The following SGCZ variants were observed in gnomAD, a reference collection of about 807,000 sequenced individuals.
The protein encoded by SGCZ is sarcoglycan zeta.
A neutral mutation model predicts 41.3 loss-of-function variants in SGCZ; 40 were observed. That is an observed-to-expected ratio of 0.97 (90% confidence interval 0.75 to 1.26). The LOEUF (loss-of-function observed/expected upper bound fraction) is 1.26, where lower values mean the gene tolerates loss of function less well. Among genes scored for constraint, SGCZ ranks in the 50% most tolerant of loss-of-function variants. The pLI is 0.00. For missense variants in SGCZ, 552 were observed against 369.8 expected, an observed-to-expected ratio of 1.49 and a Z score of -4.04; for synonymous variants, 206 against 137.5, an observed-to-expected ratio of 1.50 and a Z score of -3.49.
chr8:14,546,354 C>G (rs1202526091), intron 2 of SGCZ, among the ~76,000 whole-genome samples: 3 of 152,164 alleles, frequency 2.0e-5, no homozygotes, highest in Admixed American at 2.0e-4. Flanking sequence ...GGGCTTAAAT[C>G]ACCTCCAGAG....
chr8:14,623,272 G>A (rs1367342101), intron 1 of SGCZ, among the ~76,000 whole-genome samples: 8 of 152,182 alleles, frequency 5.3e-5, no homozygotes, highest in Admixed American at 5.2e-4. Flanking sequence ...TAGCAGGAAA[G>A]CAACATTCAT....
At chr8:14,310,828 T>C (rs1013538261) in intron 3 of SGCZ, among the ~76,000 whole-genome samples, 7 of 152,090 alleles carry the variant, frequency 4.6e-5, no homozygotes, top group Non-Finnish European at 8.8e-5. Context: ...ATGGTGGTAA[T>C]AGAAAATTCG....
intron 1 of SGCZ, among the ~76,000 whole-genome samples, chr8:15,186,262 C>CAAAAAAAAAAAAAAAAAAAAAAAA (rs61237091): frequency 1.2e-5 from 1 of 80,718 alleles, no homozygotes; most frequent in Non-Finnish European, 2.2e-5. Context: ...GATTCCGTAC[C>CAAAAAAAAAAAAAAAAAAAAAAAA]AAAAAAAAAA....
intron 1 of SGCZ, among the ~76,000 whole-genome samples, chr8:14,966,486 T>C (rs774089251): frequency 1.3e-5 from 2 of 152,044 alleles, no homozygotes; most frequent in Non-Finnish European, 2.9e-5. Context: ...GGATTTTGTG[T>C]ATTCAAATTT....
intron 1 of SGCZ, among the ~76,000 whole-genome samples, chr8:15,078,338 A>C (rs186495961): frequency 2.9e-4 from 43 of 150,642 alleles, no homozygotes; most frequent in African/African-American, 1.0e-3. Context: ...CCCGTAAGAA[A>C]CCTAAGAGTC....
intron 2 of SGCZ, among the ~76,000 whole-genome samples, chr8:14,444,750 C>G (rs1389913872): frequency 6.6e-6 from 1 of 151,828 alleles, no homozygotes; most frequent in Non-Finnish European, 1.5e-5. Context: ...CCGCATGGCA[C>G]ATGTATACAT....
At chr8:14,303,938 G>C (rs1801273299) in intron 3 of SGCZ, among the ~76,000 whole-genome samples, 1 of 151,896 alleles carries the variant, frequency 6.6e-6, no homozygotes, top group Non-Finnish European at 1.5e-5. Context: ...TTTTAGTAGA[G>C]ATAGGGTTTC....
At chr8:15,192,088 C>T (rs1800560769) in intron 1 of SGCZ, among the ~76,000 whole-genome samples, 1 of 152,076 alleles carries the variant, frequency 6.6e-6, no homozygotes, top group South Asian at 2.1e-4. Context: ...AGTGTTTTTA[C>T]TTCTGTTATG....
chr8:14,553,240 T>C (rs1209024684), intron 2 of SGCZ, among the ~76,000 whole-genome samples: 1 of 151,888 alleles, frequency 6.6e-6, no homozygotes, highest in East Asian at 1.9e-4. Context: ...TATTCCCAAA[T>C]GAGAGGGTAA....
intron 1 of SGCZ, among the ~76,000 whole-genome samples, chr8:15,092,190 A>G (rs2131064535): frequency 6.6e-6 from 1 of 152,280 alleles, no homozygotes; most frequent in Middle Eastern, 3.4e-3. Flanking sequence ...TGACTCTATA[A>G]CCTTAGACAT....
At chr8:14,328,067 CTT>C (rs1802186728) in intron 2 of SGCZ, among the ~76,000 whole-genome samples, 1 of 151,996 alleles carries the variant, frequency 6.6e-6, no homozygotes, top group Non-Finnish European at 1.5e-5. Context: ...TTTTTCCTGT[CTT>C]GTATGAAAAA....
chr8:14,542,528 A>G (rs958361139), intron 2 of SGCZ, among the ~76,000 whole-genome samples: 2 of 152,124 alleles, frequency 1.3e-5, no homozygotes, highest in Admixed American at 6.6e-5. Flanking sequence ...AAAAGCATAA[A>G]GGAGATTTGT....
At chr8:15,111,897 T>TC (rs982501794) in intron 1 of SGCZ, among the ~76,000 whole-genome samples, 2 of 106,820 alleles carry the variant, frequency 1.9e-5, no homozygotes, top group African/African-American at 4.4e-5. Flanking sequence ...AGACTCCGTC[T>TC]CCCAAAAAAA....
chr8:15,041,614 G>T (rs995476718), intron 1 of SGCZ, among the ~76,000 whole-genome samples: 1 of 152,028 alleles, frequency 6.6e-6, no homozygotes, highest in African/African-American at 2.4e-5. Context: ...GCAGAGAAAT[G>T]CATATACTGA....
At chr8:15,036,724 A>G (rs878982862) in intron 1 of SGCZ, among the ~76,000 whole-genome samples, 3 of 152,070 alleles carry the variant, frequency 2.0e-5, no homozygotes, top group Admixed American at 2.0e-4. Flanking sequence ...ATGCTTCCAA[A>G]CTTATCTTAC....
chr8:14,101,267 AGAGAAAGAAACTGGGAAG>A (rs1802011558), intron 7 of SGCZ, among the ~76,000 whole-genome samples: 1 of 148,706 alleles, frequency 6.7e-6, no homozygotes, highest in Admixed American at 6.8e-5. Context: ...AGGCACAGTA[AGAGAAAGAAACTGGGAAG>A]GAGAGGGTAA....
chr8:15,100,754 C>T lies in SGCZ; in HGVS notation c.39+136831G>A, dbSNP rs531290175. 1.4e-4 allele frequency among the ~76,000 whole-genome samples: 21 copies of T among 152,244 alleles called. No homozygotes were observed. The East Asian group carries it at 3.1e-3, about 22-fold the overall frequency. On this transcript the variant is annotated intron_variant, in intron 1 of 7. Transcript: ENST00000382080. Reference sequence around the variant, plus strand: ...TCCTGGCATTTTGGGAGGCCAAACACGGAGAATCACTTAACCCCAGAAATT... The same window carrying T: ...TCCTGGCATTTTGGGAGGCCAAACATGGAGAATCACTTAACCCCAGAAATT...
At chr8:14,886,012 T>TATAA (rs1554517458) in intron 1 of SGCZ, among the ~76,000 whole-genome samples, 5 of 121,226 alleles carry the variant, frequency 4.1e-5, no homozygotes, top group Non-Finnish European at 8.9e-5. Flanking sequence ...TATATATATA[T>TATAA]ATATATATAT....
chr8:14,818,547 T>C (rs1266512331), intron 1 of SGCZ, among the ~76,000 whole-genome samples: 2 of 151,976 alleles, frequency 1.3e-5, no homozygotes, highest in African/African-American at 4.8e-5. Context: ...CATGATGGCT[T>C]CAAAGGAGTA....
Sources: gnomAD v4.1 joint callset for allele counts (sites outside exome capture counted in the v4.1 genomes callset) on GRCh38, gnomAD v4.1.1 for gene constraint, MANE v1.5 for transcripts, NCBI Gene and HGNC (gene_info 2026-07-23, HGNC 2026-07-21) for gene names.